Variants in KIAA0232 observed in about 807,000 individuals in gnomAD.
KIAA0232 encodes the protein uncharacterized protein KIAA0232.
Under a neutral mutation model 122.0 loss-of-function variants are expected in KIAA0232, and 27 were observed. The ratio of observed to expected loss-of-function variants is 0.22; its 90% CI spans 0.16 to 0.31. The LOEUF is 0.31. Among genes scored for constraint, KIAA0232 ranks in the 10% least tolerant of loss-of-function variants. The pLI, the probability that KIAA0232 is intolerant of heterozygous loss-of-function variation, is 1.00. For missense variants in KIAA0232, 1,551 were observed against 1,634.2 expected (o/e 0.95, Z 0.88); for synonymous variants, 613 against 587.6 (o/e 1.04, Z -0.63).
intron 2 of KIAA0232, among the ~76,000 whole-genome samples, chr4:6,813,219 ACTT>A (rs937068458): frequency 4.6e-5 from 7 of 152,156 alleles, no homozygotes; most frequent in African/African-American, 1.4e-4. Context: ...AGATTTGTGA[ACTT>A]CTTCAAAACA....
At chr4:6,784,212 A>G (rs1716505337) in intron 1 of KIAA0232, among the ~76,000 whole-genome samples, 1 of 151,946 alleles carries the variant, frequency 6.6e-6, no homozygotes, top group Non-Finnish European at 1.5e-5. Flanking sequence ...ACTTTGACTT[A>G]CTGTTCAAGT....
rs1450456541 is a variant in KIAA0232, at chr4:6,836,826, GTGGAC to G, written c.232-5240_232-5236del. 1.1e-3 allele frequency among the ~76,000 whole-genome samples: 172 copies of G among 152,204 alleles called. 2 individuals carry two copies. Among genetic ancestry groups the G allele is most frequent in the Non-Finnish European group, 2.8e-4 (19 of 68,010 alleles). On this transcript the variant is annotated intron_variant, in intron 3 of 9. Transcript: ENST00000307659. ...CCGCCCTTAATCCATTTAACCCTTAGTGGACACAGCACATGTTTCAGAGAGCACGG... is the reference window on the plus strand; with the variant it reads ...CCGCCCTTAATCCATTTAACCCTTAGACAGCACATGTTTCAGAGAGCACGG...
At chr4:6,802,540 C>A (rs575369744) in intron 1 of KIAA0232, among the ~76,000 whole-genome samples, 15 of 146,978 alleles carry the variant, frequency 1.0e-4, no homozygotes, top group East Asian at 5.8e-4. Context: ...TCTTCTCAAC[C>A]CCCCCCAACC....
intron 2 of KIAA0232, among the ~76,000 whole-genome samples, chr4:6,821,722 A>G (rs1451598461): frequency 2.6e-5 from 4 of 151,910 alleles, no homozygotes; most frequent in African/African-American, 9.7e-5. Context: ...ATATATGTAT[A>G]TACATATACC....
At chr4:6,846,502 A>AT (rs755266115) in intron 4 of KIAA0232, among the ~76,000 whole-genome samples, 2 of 151,986 alleles carry the variant, frequency 1.3e-5, no homozygotes, top group South Asian at 4.1e-4. Context: ...AACGCTCCTT[A>AT]TAAGAATCTA....
At chr4:6,793,399 G>T (rs1258197267) in intron 1 of KIAA0232, among the ~76,000 whole-genome samples, 1 of 152,132 alleles carries the variant, frequency 6.6e-6, no homozygotes, top group Admixed American at 6.5e-5. Context: ...TTAAGAAGTT[G>T]GTACTGAACT....
chr4:6,815,972 AAAG>A (rs1224617914), intron 2 of KIAA0232, among the ~76,000 whole-genome samples: 1 of 152,190 alleles, frequency 6.6e-6, no homozygotes, highest in African/African-American at 2.4e-5. Context: ...TCGACAACAA[AAAG>A]AATCTTATGG....
Position 6,862,052 on chromosome 4 carries a change from G to A in KIAA0232, c.1670G>A (p.Gly557Asp). 1 of 1,614,228 alleles carries A rather than the reference G, an allele frequency of 6.2e-7. No individual in the cohort carries two copies. Among genetic ancestry groups the A allele is most frequent in the Non-Finnish European group, 8.5e-7 (1 of 1,180,048 alleles). The change falls in exon 7 of 10, where the codon GGT becomes GAT. Residue 557 changes from glycine (G) to aspartate (D), a missense_variant. This residue lies in a region of KIAA0232 where 1,108 missense variants were observed against 1,154.8 expected (regional missense o/e 0.96). Transcript: ENST00000307659. ...FEAECCIVLD[G>D]MELQGERAIW... ...GCAGAATGTTGCATAGTGTTAGATGGTATGGAGTTGCAAGGGGAACGTGCA... is the reference window on the plus strand; with the variant it reads ...GCAGAATGTTGCATAGTGTTAGATGATATGGAGTTGCAAGGGGAACGTGCA...
Position 6,843,989 on chromosome 4 carries a change from A to G in KIAA0232, c.369+1785A>G, listed in dbSNP as rs1310130883. On this transcript the variant is annotated intron_variant, in intron 4 of 9. Coordinates refer to ENST00000307659, the MANE Select transcript of KIAA0232 (RefSeq NM_014743.3). ...GAGTCTTGCTCTGTAGCCCAGGCTG[A>G]AGTGCAGTGGCGCCATCTCGGCTCA... Among the ~76,000 whole-genome samples the G allele has an allele frequency of 2.5e-5, 3 of 117,724 alleles. No individual in the cohort carries two copies. The East Asian group carries it at 8.7e-4, about 34-fold the overall frequency. 77.2% of individuals were successfully genotyped at this position (117,724 alleles called of 152,430 possible).
intron 1 of KIAA0232, among the ~76,000 whole-genome samples, chr4:6,794,972 G>T (rs1717065329): frequency 6.6e-6 from 1 of 152,150 alleles, no homozygotes; most frequent in African/African-American, 2.4e-5. Flanking sequence ...TAGAGGGAAA[G>T]GATGGAGCAG....
intron 1 of KIAA0232, among the ~76,000 whole-genome samples, chr4:6,783,845 G>C (rs1299127149): frequency 6.6e-6 from 1 of 152,184 alleles, no homozygotes; most frequent in East Asian, 1.9e-4. Flanking sequence ...GGCCTGATCC[G>C]GCTCCTTTCC....
intron 8 of KIAA0232, among the ~76,000 whole-genome samples, chr4:6,875,823 A>T (rs1721720968): frequency 6.6e-6 from 1 of 152,152 alleles, no homozygotes; most frequent in African/African-American, 2.4e-5. Context: ...TGCCCCAGCT[A>T]TGTTTCTCAT....
intron 3 of KIAA0232, among the ~76,000 whole-genome samples, chr4:6,833,073 G>A (rs766231256): frequency 3.3e-5 from 5 of 152,118 alleles, no homozygotes; most frequent in South Asian, 2.1e-4. Flanking sequence ...CTCCTGTAGC[G>A]TGTCCCGTTC....
At chr4:6,803,184 G>A (rs1479340821) in intron 1 of KIAA0232, among the ~76,000 whole-genome samples, 3 of 140,864 alleles carry the variant, frequency 2.1e-5, no homozygotes, top group African/African-American at 8.1e-5. Flanking sequence ...TTTACCTCTT[G>A]AAAGAAATTA....
Position 6,880,845 on chromosome 4 carries a change from A to G in KIAA0232, c.4067A>G (p.Asp1356Gly), listed in dbSNP as rs769223259. 5.0e-6 allele frequency: 8 copies of G among 1,606,998 alleles called. No individual in the cohort carries two copies. Among genetic ancestry groups the G allele is most frequent in the Non-Finnish European group, 6.0e-6 (7 of 1,176,148 alleles). Residue 1356 changes from aspartate to glycine, a missense_variant, in exon 10 of 10, where the codon GAT (aspartate) becomes GGT (glycine). By Grantham distance (94) the Asp-to-Gly change is moderately conservative. Around this residue, in one of 5 missense-constraint regions of KIAA0232, gnomAD observed 1,108 missense variants for 1,154.8 expected, o/e 0.96. Coordinates refer to ENST00000307659, the MANE Select transcript of KIAA0232 (RefSeq NM_014743.3). Reference protein sequence around the residue: ...TGERDSGAKSDGFRGKMCSSA... With the variant: ...TGERDSGAKSGGFRGKMCSSA... ...GAGAGAGATTCTGGAGCAAAGTCAG[A>G]TGGCTTCCGCGGAAAGATGTGCTCC...
rs773128574 is a variant in KIAA0232 at position 6,862,592 on chromosome 4, T to G, written c.2210T>G (p.Phe737Cys). 6.2e-7 allele frequency: 1 copy of G among 1,613,908 alleles called. No homozygotes were observed. The highest frequency in any genetic ancestry group is 1.1e-5 in the South Asian group (1 of 90,946). ...ATTCAGTTTGAAGAATCCACACAGT[T>G]TAATGCCGAAGATATTAATTATGTA... The part of the protein sequence containing the change: ...LNIQFEESTQ[F>C]NAEDINYVVP... The change falls in exon 7 of 10, where the codon TTT (phenylalanine) becomes TGT (cysteine). Residue 737 changes from phenylalanine to cysteine, a missense_variant. By Grantham distance (205) the Phe-to-Cys change is radical (BLOSUM62 -2). Around this residue, in one of 5 missense-constraint regions of KIAA0232, gnomAD observed 1,108 missense variants for 1,154.8 expected, o/e 0.96. Transcript: ENST00000307659.
At position 6,861,055 on chromosome 4, in the gene KIAA0232, T is replaced by G. The variant is rs780037770; in HGVS notation, c.673T>G (p.Cys225Gly). 6.2e-7 allele frequency: 1 copy of G among 1,614,144 alleles called. No homozygotes were observed. The highest frequency in any genetic ancestry group is 8.5e-7 in the Non-Finnish European group (1 of 1,180,030). The change falls in exon 7 of 10, where the codon TGC (cysteine) becomes GGC (glycine). Residue 225 changes from cysteine to glycine, a missense_variant. By Grantham distance (159) the Cys-to-Gly change is radical. Transcript: ENST00000307659. ...CACAGATACTTCCTCTCCTAAGGAC[T>G]GCAACAGTGAAAGTGAAGTCACCAA... ...ASTDTSSPKD[C>G]NSESEVTKER... is the part of the protein sequence containing the mutation.
chr4:6,850,211 G>C (rs1720202357), intron 4 of KIAA0232, among the ~76,000 whole-genome samples: 1 of 152,204 alleles, frequency 6.6e-6, no homozygotes, highest in Non-Finnish European at 1.5e-5. Flanking sequence ...TTGAGGACCA[G>C]AAAGGGCCAA....
chr4:6,792,611 G>A (rs1716945274), intron 1 of KIAA0232, among the ~76,000 whole-genome samples: 1 of 151,738 alleles, frequency 6.6e-6, no homozygotes, highest in South Asian at 2.1e-4. Context: ...GGCTTTATGA[G>A]CCTGTAATTG....
Sources: allele counts gnomAD v4.1 joint callset (sites outside exome capture counted in the v4.1 genomes callset), GRCh38; gene constraint gnomAD v4.1.1; regional missense constraint gnomAD v4.1.1; transcripts MANE v1.5; gene names NCBI Gene and HGNC (gene_info 2026-07-23, HGNC 2026-07-21).